The following CADPS2 variants were observed in gnomAD, a reference collection of about 807,000 sequenced individuals.
CADPS2 encodes calcium dependent secretion activator 2, also known as calcium-dependent secretion activator 2.
Under a neutral mutation model 172.5 loss-of-function variants are expected in CADPS2, and 93 were observed. The ratio of observed to expected loss-of-function variants is 0.54; its 90% CI spans 0.46 to 0.64. CADPS2 has a LOEUF of 0.64. Among genes scored for constraint, CADPS2 ranks in the 30% least tolerant of loss-of-function variants. The pLI, the probability that CADPS2 is intolerant of heterozygous loss-of-function variation, is 0.00. For missense variants in CADPS2, 1,420 were observed against 1,565.9 expected (o/e 0.91, Z 1.57); for synonymous variants, 546 against 555.2 (o/e 0.98, Z 0.23).
At chr7:122,744,217 T>C (rs1226905778) in intron 1 of CADPS2, among the ~76,000 whole-genome samples, 1 of 152,226 alleles carries the variant, frequency 6.6e-6, no homozygotes, top group Non-Finnish European at 1.5e-5. Context: ...AGCTGAAGTT[T>C]CACCTTGATT....
intron 14 of CADPS2, among the ~76,000 whole-genome samples, chr7:122,466,801 T>G (rs1467253049): frequency 1.3e-5 from 2 of 152,166 alleles, no homozygotes; most frequent in Non-Finnish European, 2.9e-5. Flanking sequence ...CTCAGACAGA[T>G]TAAAACCATT....
intron 1 of CADPS2, among the ~76,000 whole-genome samples, chr7:122,815,075 A>G (rs115956637): frequency 3.2e-3 from 481 of 152,250 alleles, no homozygotes; most frequent in African/African-American, 0.011. Context: ...CAATGCCAAG[A>G]AGGAGTTAAG....
chr7:122,722,833 T>G (rs1399044910), intron 2 of CADPS2, among the ~76,000 whole-genome samples: 1 of 151,534 alleles, frequency 6.6e-6, no homozygotes, highest in Non-Finnish European at 1.5e-5. Context: ...AAAACAGAGA[T>G]ATAGATCAAT....
intron 20 of CADPS2, among the ~76,000 whole-genome samples, chr7:122,394,898 T>G (rs1462759250): frequency 2.6e-5 from 4 of 152,168 alleles, no homozygotes; most frequent in African/African-American, 9.7e-5. Flanking sequence ...CTCAGTTGTT[T>G]ACTGCAATAG....
chr7:122,541,566 C>CATATATTCATATATATTT (rs1337801293), intron 8 of CADPS2, among the ~76,000 whole-genome samples: 3 of 143,806 alleles, frequency 2.1e-5, no homozygotes, highest in Non-Finnish European at 3.0e-5. Flanking sequence ...AATGAATATA[C>CATATATTCATATATATTT]ATATATTCAT....
intron 2 of CADPS2, among the ~76,000 whole-genome samples, chr7:122,717,933 C>T (rs866032336): frequency 2.0e-5 from 3 of 151,192 alleles, no homozygotes; most frequent in African/African-American, 4.9e-5. Flanking sequence ...TTCAGCCTCC[C>T]GAGTTGCTGG....
At chr7:122,583,185 T>C (rs1287391047) in intron 6 of CADPS2, among the ~76,000 whole-genome samples, 1 of 152,068 alleles carries the variant, frequency 6.6e-6, no homozygotes, top group Admixed American at 6.6e-5. Flanking sequence ...TATTCTACAA[T>C]ATTTATCACC....
chr7:122,520,144 A>T (rs1471065355), intron 8 of CADPS2, among the ~76,000 whole-genome samples: 1 of 152,058 alleles, frequency 6.6e-6, no homozygotes, highest in African/African-American at 2.4e-5. Flanking sequence ...TGACAGCAGG[A>T]ACAAAAACTT....
chr7:122,445,261 G>A (rs952034437), intron 15 of CADPS2, among the ~76,000 whole-genome samples: 1 of 152,068 alleles, frequency 6.6e-6, no homozygotes, highest in Non-Finnish European at 1.5e-5. Flanking sequence ...GATTTTGACT[G>A]AAATAGCCTT....
intron 17 of CADPS2, among the ~76,000 whole-genome samples, chr7:122,437,550 T>G (rs1192163877): frequency 6.6e-6 from 1 of 152,126 alleles, no homozygotes. Context: ...GGTAAGAAAC[T>G]TTTATTTTCA....
chr7:122,573,197 T>C (rs542949463), intron 7 of CADPS2, among the ~76,000 whole-genome samples: 1 of 152,232 alleles, frequency 6.6e-6, no homozygotes, highest in Admixed American at 6.5e-5. Flanking sequence ...CTCCTTGGCA[T>C]ACCCCAAACC....
intron 2 of CADPS2, chr7:122,699,091 CTAGA>C: frequency 1.8e-6 from 1 of 570,210 alleles, no homozygotes; most frequent in Non-Finnish European, 3.1e-6. Context: ...AGATGTCTTA[CTAGA>C]GAGAGGTGAA....
At chr7:122,767,215 A>C (rs1334471430) in intron 1 of CADPS2, among the ~76,000 whole-genome samples, 1 of 152,190 alleles carries the variant, frequency 6.6e-6, no homozygotes, top group Non-Finnish European at 1.5e-5. Context: ...CCACATTTAC[A>C]GGATCCTTCC....
intron 6 of CADPS2, among the ~76,000 whole-genome samples, chr7:122,611,452 A>G (rs571149085): frequency 6.6e-6 from 1 of 152,220 alleles, no homozygotes; most frequent in East Asian, 1.9e-4. Flanking sequence ...AACTTGGATG[A>G]ATTGAAAAAT....
At chr7:122,627,963 T>G (rs1372057805) in intron 4 of CADPS2, among the ~76,000 whole-genome samples, 1 of 152,144 alleles carries the variant, frequency 6.6e-6, no homozygotes, top group Non-Finnish European at 1.5e-5. Context: ...ACCACCTTTC[T>G]AGAAACCCAG....
chr7:122,822,689 C>CA (rs919257113), intron 1 of CADPS2, among the ~76,000 whole-genome samples: 12 of 151,018 alleles, frequency 7.9e-5, no homozygotes, highest in African/African-American at 2.7e-4. Flanking sequence ...CATTCCACCA[C>CA]AAAAAAAGTG....
intron 1 of CADPS2, among the ~76,000 whole-genome samples, chr7:122,823,636 G>C (rs558727905): frequency 6.6e-6 from 1 of 152,236 alleles, no homozygotes; most frequent in East Asian, 1.9e-4. Flanking sequence ...TCAGTAGCAA[G>C]GCTCTATAAT....
chr7:122,737,057 T>A lies in CADPS2; in HGVS notation c.351A>T (p.Gln117His). The A allele has an allele frequency of 6.3e-7, 1 of 1,590,840 alleles. No homozygotes were observed. Among genetic ancestry groups the A allele is most frequent in the Non-Finnish European group, 8.6e-7 (1 of 1,159,784 alleles). ...ACCGTTCTTTCAGTAACTGCAACTG[T>A]TGTTTGTTAAGCTACAAGAAAAAGA... ...MARRQQKLNK[Q>H]QLQLLKERFQ... Residue 117 changes from glutamine (Q) to histidine (H), a missense_variant, in exon 2 of 30, where the codon CAA (glutamine) becomes CAT (histidine). Gln to His is a conservative substitution (Grantham distance 24). Transcript: ENST00000449022.
At chr7:122,734,917 T>G (rs981162657) in intron 2 of CADPS2, among the ~76,000 whole-genome samples, 4 of 152,040 alleles carry the variant, frequency 2.6e-5, no homozygotes, top group Non-Finnish European at 5.9e-5. Context: ...AACAGAAGTA[T>G]AGAAAAACCC....
Sources: allele counts gnomAD v4.1 joint callset (sites outside exome capture counted in the v4.1 genomes callset), GRCh38; gene constraint gnomAD v4.1.1; transcripts MANE v1.5; gene names NCBI Gene and HGNC (gene_info 2026-07-23, HGNC 2026-07-21).